The following MDN1 variants were observed in gnomAD, a reference collection of about 807,000 sequenced individuals.
MDN1 encodes midasin.
A neutral mutation model predicts 669.2 loss-of-function variants in MDN1; 266 were observed. The ratio of observed to expected loss-of-function variants is 0.40; its 90% CI spans 0.36 to 0.44. MDN1 has a LOEUF of 0.44. Ranked by LOEUF, MDN1 falls within the 20% of genes least tolerant of loss-of-function variation. The pLI, the probability that MDN1 is intolerant of heterozygous loss-of-function variation, is 1.00. For missense variants in MDN1, 5,940 were observed against 6,754.0 expected (o/e 0.88, Z 4.22); for synonymous variants, 2,385 against 2,457.1 (o/e 0.97, Z 0.87).
In MDN1 at chr6:89,683,159, G is replaced by T. The variant is rs1414616260; in HGVS notation, c.12075C>A (p.Thr4025=). ...GCCCAGCTGCTGGTTGGGCTAACAG[G>T]GTCTCCCTCAGTGCCCTGTTCAGAT... ...IQNLNRALRE[T]LLAQPAAGQA... Residue 4025 remains threonine (T), a synonymous_variant, in exon 73 of 102, where the codon ACC becomes ACA. Transcript: ENST00000369393. The T allele has an allele frequency of 1.9e-6, 3 of 1,613,926 alleles. No homozygotes were observed. The highest frequency in any genetic ancestry group is 2.7e-5 in the African/African-American group (2 of 74,870).
chr6:89,676,332 T>C, intron 76 of MDN1, 125 bp from the exon 77 acceptor site: 1 of 764,998 alleles, frequency 1.3e-6, no homozygotes, highest in Non-Finnish European at 2.2e-6. Context: ...GGTTTATTTC[T>C]ATGAGGAATC....
chr6:89,786,947 A>G (rs912964998), intron 8 of MDN1, among the ~76,000 whole-genome samples: 1 of 130,214 alleles, frequency 7.7e-6, no homozygotes, highest in African/African-American at 2.9e-5. Context: ...AAAAAAAAAA[A>G]GTAACAGGGT....
intron 11 of MDN1, among the ~76,000 whole-genome samples, chr6:89,779,690 A>G (rs1243226423): frequency 6.6e-6 from 1 of 152,236 alleles, no homozygotes; most frequent in Non-Finnish European, 1.5e-5. Context: ...GAAATTAATA[A>G]TAATTTGTTT....
chr6:89,738,362 G>C lies in MDN1; in HGVS notation c.4687C>G (p.Arg1563Gly). Residue 1563 changes from arginine to glycine, a missense_variant, in exon 33 of 102, where the codon CGT becomes GGT. Transcript: ENST00000369393. ...ATTCTGCCCAGACACAATCCTGGAC[G>C]AAGATTATGACTGATGATCTGAATT... ...DLIQIISHNLRPGLCLGRIDP... is the reference protein window; with the variant it reads ...DLIQIISHNLGPGLCLGRIDP... The C allele has an allele frequency of 6.2e-7, 1 of 1,613,944 alleles. No homozygotes were observed. The highest frequency in any genetic ancestry group is 8.5e-7 in the Non-Finnish European group (1 of 1,179,900).
chr6:89,801,656 AAAAC>A (rs1767673056), intron 2 of MDN1, among the ~76,000 whole-genome samples: 2 of 151,850 alleles, frequency 1.3e-5, no homozygotes, highest in South Asian at 2.1e-4. Flanking sequence ...TCTCAAAAAA[AAAAC>A]AAAACAAAAC....
chr6:89,670,166 A>ATTTTTTTTT (rs1482501704), intron 83 of MDN1, among the ~76,000 whole-genome samples: 4 of 17,716 alleles, frequency 2.3e-4, no homozygotes, highest in Admixed American at 1.1e-3. Flanking sequence ...ATATATATAT[A>ATTTTTTTTT]TATATTTTTT....
chr6:89,713,380 ACCT>A, intron 46 of MDN1, 84 bp from the exon 47 acceptor site: 1 of 1,239,420 alleles, frequency 8.1e-7, no homozygotes. Context: ...CTCCCATCAA[ACCT>A]CCTTCCTGTC....
At chr6:89,793,346 CAAG>C (rs1266789486) in intron 5 of MDN1, among the ~76,000 whole-genome samples, 1 of 152,168 alleles carries the variant, frequency 6.6e-6, no homozygotes, top group Non-Finnish European at 1.5e-5. Flanking sequence ...AGCAAGCAAA[CAAG>C]AAGATATACG....
rs78470892 is a variant in MDN1, at chr6:89,655,629, A to G, written c.15490+135T>C. 270 of 806,128 alleles carry G rather than the reference A, an allele frequency of 3.3e-4. 1 individual carries two copies. The African/African-American group carries it at 4.2e-3, about 12-fold the overall frequency. The allele number at this position is 806,128 out of a possible 1,614,324, so 49.9% of individuals were successfully genotyped here. On this transcript the variant is annotated intron_variant, in intron 92 of 101. Transcript: ENST00000369393. The stretch of plus-strand genomic sequence containing the variant: ...TGCCAGGCACAGCTGACTTGACTTG[A>G]TCATTAAACATTGTATACATGTATC...
At position 89,643,719 on chromosome 6, in the gene MDN1, C is replaced by G. The variant is rs781098657; in HGVS notation, c.*286G>C. 3.7e-6 allele frequency: 1 copy of G among 271,620 alleles called. No individual in the cohort carries two copies. Among genetic ancestry groups the G allele is most frequent in the Admixed American group, 4.8e-5 (1 of 20,798 alleles). The allele number at this position is 271,620 out of a possible 1,614,324, so 16.8% of individuals were successfully genotyped here. A position where few individuals can be genotyped will look rare whatever the true frequency, so the allele number is the denominator to read the frequency against. On this transcript the variant is annotated 3_prime_UTR_variant, in exon 102 of 102. Coordinates refer to ENST00000369393, the MANE Select transcript of MDN1 (RefSeq NM_014611.3). Reference sequence around the variant, plus strand: ...AAGAAAACAGGCAGCTGGGCTCCAACGGTGGGGTATGACCTCCTCCCAGGC... The same window carrying G: ...AAGAAAACAGGCAGCTGGGCTCCAAGGGTGGGGTATGACCTCCTCCCAGGC...
intron 99 of MDN1, among the ~76,000 whole-genome samples, 188 bp downstream of exon 99, chr6:89,647,844 T>C (rs1051468747): frequency 6.6e-6 from 1 of 152,122 alleles, no homozygotes; most frequent in Non-Finnish European, 1.5e-5. Context: ...TCCTAGCTAC[T>C]AGGGAGGCTG....
intron 18 of MDN1, 44 bp downstream of exon 18, chr6:89,758,772 C>G (rs1366590693): frequency 6.2e-7 from 1 of 1,606,302 alleles, no homozygotes; most frequent in African/African-American, 1.3e-5. Flanking sequence ...AAAGTGGCCA[C>G]AGGGCTTGAC....
intron 40 of MDN1, among the ~76,000 whole-genome samples, chr6:89,722,329 T>C (rs187419924): frequency 2.6e-5 from 4 of 152,188 alleles, no homozygotes; most frequent in African/African-American, 9.6e-5. Context: ...TTCTACGGAG[T>C]ATCACCTGTC....
intron 68 of MDN1, 84 bp downstream of exon 68, chr6:89,687,260 A>C (rs1036939969): frequency 1.5e-6 from 2 of 1,322,380 alleles, no homozygotes; most frequent in South Asian, 2.6e-5. Flanking sequence ...CTGTAATACT[A>C]TATAAATCCT....
intron 18 of MDN1, 54 bp downstream of exon 18, chr6:89,758,762 A>G (rs1423502611): frequency 5.7e-6 from 9 of 1,590,780 alleles, no homozygotes; most frequent in Middle Eastern, 1.7e-4. Context: ...ATCTCACTCT[A>G]AAGTGGCCAC....
chr6:89,688,748 T>G lies in MDN1; in HGVS notation c.11084A>C (p.Asn3695Thr). Reference sequence around the variant, plus strand: ...TGAGGGTGCCTCCCCAAAAAGAGTGTTATGGGAGAGGGTACAGGCCAAAAG... The same window carrying G: ...TGAGGGTGCCTCCCCAAAAAGAGTGGTATGGGAGAGGGTACAGGCCAAAAG... ...SQLLACTLSH[N>T]TLFGEAPSDL... The change falls in exon 66 of 102, where the codon AAC becomes ACC. Residue 3695 changes from asparagine (N) to threonine (T), a missense_variant. Transcript: ENST00000369393. The G allele has an allele frequency of 6.2e-7, 1 of 1,614,108 alleles. No homozygotes were observed. Among genetic ancestry groups the G allele is most frequent in the South Asian group, 1.1e-5 (1 of 91,076 alleles).
rs372116307 is a variant in MDN1, at chr6:89,684,390, T to TAA, written c.11829+484_11829+485dup. ...CAAATGTTTTGGTCTCAAAGTGATT[T>TAA]AAAAAAAAAAAAAAAAAAAGAGTGC... is the stretch of plus-strand genomic sequence containing the variant. On this transcript the variant is annotated intron_variant, in intron 71 of 101. Coordinates refer to ENST00000369393, the MANE Select transcript of MDN1 (RefSeq NM_014611.3). Among the ~76,000 whole-genome samples the TAA allele has an allele frequency of 1.2e-3, 163 of 133,074 alleles. 1 individual carries two copies. Among genetic ancestry groups the TAA allele is most frequent in the African/African-American group, 1.9e-3 (69 of 36,508 alleles). 87.3% of individuals were successfully genotyped at this position (133,074 alleles called of 152,430 possible). A position where few individuals can be genotyped will look rare whatever the true frequency, so the allele number is the denominator to read the frequency against.
chr6:89,740,932 T>C (rs755594029), intron 31 of MDN1, among the ~76,000 whole-genome samples: 4 of 152,182 alleles, frequency 2.6e-5, no homozygotes, highest in African/African-American at 9.7e-5. Flanking sequence ...GATGGAAATG[T>C]TGTAAAACTG....
At chr6:89,644,632 T>G (rs1450274470) in intron 101 of MDN1, among the ~76,000 whole-genome samples, 1 of 152,166 alleles carries the variant, frequency 6.6e-6, no homozygotes, top group Non-Finnish European at 1.5e-5. Context: ...ATAAGTTAAG[T>G]GTGGCAACAC....
Sources: gnomAD v4.1 joint callset for allele counts (sites outside exome capture counted in the v4.1 genomes callset) on GRCh38, gnomAD v4.1.1 for gene constraint, MANE v1.5 for transcripts, NCBI Gene and HGNC (gene_info 2026-07-23, HGNC 2026-07-21) for gene names.